The following LRFN2 variants were observed in gnomAD, a reference collection of about 807,000 sequenced individuals.
LRFN2 encodes the protein leucine-rich repeat and fibronectin type-III domain-containing protein 2.
Under a neutral mutation model 37.3 loss-of-function variants are expected in LRFN2, and 18 were observed. That is an observed-to-expected ratio of 0.48 (90% CI 0.33 to 0.72). The LOEUF (loss-of-function observed/expected upper bound fraction) is 0.72, where lower values mean the gene tolerates loss of function less well. LRFN2 is among the 30% of genes least tolerant of loss of function. The pLI, the probability that LRFN2 is intolerant of heterozygous loss-of-function variation, is 0.02. For synonymous variants in LRFN2, 556 were observed against 466.6 expected, an observed-to-expected ratio of 1.19 and a Z score of -2.47; for missense variants, 1,006 against 1,060.7, an observed-to-expected ratio of 0.95 and a Z score of 0.72.
chr6:40,419,282 G>T (rs1167382680), intron 2 of LRFN2, among the ~76,000 whole-genome samples: 1 of 152,198 alleles, frequency 6.6e-6, no homozygotes, highest in African/African-American at 2.4e-5. Context: ...CATGTAACTT[G>T]CTGTGGCTAG....
chr6:40,479,168 G>T lies in LRFN2; in HGVS notation c.-18-46037C>A, dbSNP rs536867801. On this transcript the variant is annotated intron_variant, in intron 1 of 2. Transcript: ENST00000338305. ...CCGCAGGAGGTTAAGTGAATATTAA[G>T]CTCTTAGAATGCTTGGTACCCAGCA... Among the ~76,000 whole-genome samples, 11 of 152,310 alleles carry T rather than the reference G, an allele frequency of 7.2e-5. No homozygotes were observed. The East Asian group carries it at 1.9e-3, about 27-fold the overall frequency.
chr6:40,417,802 T>A (rs1224499558), intron 2 of LRFN2, among the ~76,000 whole-genome samples: 1 of 151,998 alleles, frequency 6.6e-6, no homozygotes, highest in Non-Finnish European at 1.5e-5. Context: ...CACACCCTAA[T>A]CTCCTCCTGC....
At chr6:40,511,515 C>T (rs1765708835) in intron 1 of LRFN2, among the ~76,000 whole-genome samples, 1 of 152,196 alleles carries the variant, frequency 6.6e-6, no homozygotes, top group African/African-American at 2.4e-5. Context: ...AACTGGTAAG[C>T]AGCAAGGGGG....
At chr6:40,435,153 CAGAGAGAGAGAG>C (rs10583784) in intron 1 of LRFN2, among the ~76,000 whole-genome samples, 1 of 113,606 alleles carries the variant, frequency 8.8e-6, no homozygotes, top group Non-Finnish European at 1.9e-5. Context: ...TATATATATA[CAGAGAGAGAGAG>C]AGAGAGAGAG....
Position 40,430,464 on chromosome 6 carries a change from T to C in LRFN2, c.1400+1250A>G, listed in dbSNP as rs186476746. 1.7e-3 allele frequency among the ~76,000 whole-genome samples: 260 copies of C among 152,354 alleles called. 1 individual carries two copies. The highest frequency in any genetic ancestry group is 3.3e-3 in the South Asian group (16 of 4,824). ...GGATCCCATCTCCAAACAATCATTT[T>C]ACATGCATAAAATAAAACACACAGA... On this transcript the variant is annotated intron_variant, in intron 2 of 2. Coordinates refer to ENST00000338305, the MANE Select transcript of LRFN2 (RefSeq NM_020737.3).
intron 1 of LRFN2, among the ~76,000 whole-genome samples, chr6:40,506,889 A>G (rs1429382145): frequency 6.6e-6 from 1 of 152,142 alleles, no homozygotes; most frequent in Admixed American, 6.5e-5. Flanking sequence ...TCAGATGCCA[A>G]ATGGGACCCT....
At chr6:40,574,904 G>T (rs1424140918) in intron 1 of LRFN2, among the ~76,000 whole-genome samples, 1 of 152,182 alleles carries the variant, frequency 6.6e-6, no homozygotes, top group African/African-American at 2.4e-5. Flanking sequence ...TAAGGGGCAT[G>T]CAGACAGCAC....
intron 1 of LRFN2, among the ~76,000 whole-genome samples, chr6:40,580,788 G>C (rs960807193): frequency 1.3e-5 from 2 of 152,208 alleles, no homozygotes; most frequent in African/African-American, 4.8e-5. Flanking sequence ...GAATATGTGG[G>C]AGTGTTGCAT....
intron 1 of LRFN2, among the ~76,000 whole-genome samples, chr6:40,459,025 G>A (rs1479976445): frequency 6.6e-6 from 1 of 152,226 alleles, no homozygotes. Context: ...ATTAAAAGAT[G>A]CTACAACAAA....
At chr6:40,438,597 G>C (rs1464197184) in intron 1 of LRFN2, among the ~76,000 whole-genome samples, 1 of 152,224 alleles carries the variant, frequency 6.6e-6, no homozygotes, top group African/African-American at 2.4e-5. Context: ...TCAGAGTAAA[G>C]GAGGCCCCTC....
At chr6:40,475,005 C>G (rs1263479151) in intron 1 of LRFN2, among the ~76,000 whole-genome samples, 1 of 152,170 alleles carries the variant, frequency 6.6e-6, no homozygotes, top group African/African-American at 2.4e-5. Context: ...CCTGAAGAGA[C>G]AGCCCCAGCC....
intron 1 of LRFN2, among the ~76,000 whole-genome samples, chr6:40,498,007 T>C (rs1561880322): frequency 6.6e-6 from 1 of 152,030 alleles, no homozygotes; most frequent in Non-Finnish European, 1.5e-5. Context: ...GTCTGCCTAC[T>C]GGGGTGCTGA....
chr6:40,413,550 G>A lies in LRFN2; in HGVS notation c.1400+18164C>T, dbSNP rs114215355. Among the ~76,000 whole-genome samples the A allele has an allele frequency of 9.1e-3, 1,379 of 152,290 alleles. 18 individuals are homozygous for A. The highest frequency in any genetic ancestry group is 0.03 in the African/African-American group (1,261 of 41,558). Reference sequence around the variant, plus strand: ...CGGTTTCCTTTCAGTCTGGGAAGAGGCAGCAGTGGGAGGCAGAGCAGCCAT... The same window carrying A: ...CGGTTTCCTTTCAGTCTGGGAAGAGACAGCAGTGGGAGGCAGAGCAGCCAT... On this transcript the variant is annotated intron_variant, in intron 2 of 2. Transcript: ENST00000338305.
At chr6:40,438,375 T>A (rs1020291972) in intron 1 of LRFN2, among the ~76,000 whole-genome samples, 2 of 151,828 alleles carry the variant, frequency 1.3e-5, no homozygotes, top group African/African-American at 4.8e-5. Flanking sequence ...CAGAAAGAGG[T>A]GTTCCTGCTG....
chr6:40,398,389 C>G (rs1174933039), intron 2 of LRFN2, among the ~76,000 whole-genome samples: 1 of 151,862 alleles, frequency 6.6e-6, no homozygotes, highest in Non-Finnish European at 1.5e-5. Context: ...GTAGCCGGAC[C>G]TCACTCTTCT....
intron 1 of LRFN2, among the ~76,000 whole-genome samples, chr6:40,581,286 A>C (rs1767394004): frequency 6.6e-6 from 1 of 152,140 alleles, no homozygotes; most frequent in Non-Finnish European, 1.5e-5. Context: ...TGGATCATGG[A>C]CTCGTAAATC....
chr6:40,465,302 A>G (rs1764433746), intron 1 of LRFN2, among the ~76,000 whole-genome samples: 1 of 152,216 alleles, frequency 6.6e-6, no homozygotes, highest in African/African-American at 2.4e-5. Flanking sequence ...TCTGAACTAC[A>G]GAACCGTCGG....
chr6:40,534,251 T>C (rs1234881764), intron 1 of LRFN2, among the ~76,000 whole-genome samples: 3 of 152,190 alleles, frequency 2.0e-5, no homozygotes, highest in Non-Finnish European at 1.5e-5. Flanking sequence ...CACTGTGAGA[T>C]GGGCTCAATG....
At chr6:40,544,197 C>G (rs1766609339) in intron 1 of LRFN2, among the ~76,000 whole-genome samples, 1 of 152,204 alleles carries the variant, frequency 6.6e-6, no homozygotes, top group Non-Finnish European at 1.5e-5. Context: ...GCTCTGAGCT[C>G]AAACCCTTAT....
Sources: allele counts gnomAD v4.1 joint callset (sites outside exome capture counted in the v4.1 genomes callset), GRCh38; gene constraint gnomAD v4.1.1; transcripts MANE v1.5; gene names NCBI Gene and HGNC (gene_info 2026-07-23, HGNC 2026-07-21).